Variants in POU6F2 observed in about 807,000 individuals in gnomAD.
POU6F2 encodes the protein POU class 6 homeobox 2.
In POU6F2, 31 loss-of-function variants were observed where a neutral mutation model predicts 71.3. That is an observed-to-expected ratio of 0.43 (90% confidence interval 0.33 to 0.59). POU6F2 has a LOEUF of 0.59. POU6F2 is among the 20% of genes least tolerant of loss of function. POU6F2 has a pLI of 0.04. For synonymous variants in POU6F2, 347 were observed against 355.7 expected, an observed-to-expected ratio of 0.98 and a Z score of 0.27; for missense variants, 783 against 856.8, an observed-to-expected ratio of 0.91 and a Z score of 1.07.
chr7:39,273,617 A>C (rs1784378480), intron 4 of POU6F2, among the ~76,000 whole-genome samples: 1 of 152,144 alleles, frequency 6.6e-6, no homozygotes, highest in African/African-American at 2.4e-5. Context: ...TTGGATCTTG[A>C]AGCACAAAGA....
intron 5 of POU6F2, among the ~76,000 whole-genome samples, chr7:39,378,231 G>A (rs757017056): frequency 1.3e-5 from 2 of 152,122 alleles, no homozygotes; most frequent in African/African-American, 2.4e-5. Context: ...AGTAGTTTAC[G>A]GGTGCAGTCA....
intron 2 of POU6F2, among the ~76,000 whole-genome samples, chr7:39,159,321 C>G (rs938740398): frequency 6.6e-6 from 1 of 151,982 alleles, no homozygotes; most frequent in Non-Finnish European, 1.5e-5. Flanking sequence ...GATATATAAC[C>G]GCTTTTTCTT....
chr7:39,034,668 A>C (rs1790019646), intron 1 of POU6F2, among the ~76,000 whole-genome samples: 2 of 152,144 alleles, frequency 1.3e-5, no homozygotes, highest in African/African-American at 4.8e-5. Context: ...CTGGGTGTGA[A>C]TCTTGAGCTT....
chr7:39,002,260 A>G (rs1478905383), intron 1 of POU6F2, among the ~76,000 whole-genome samples: 1 of 152,232 alleles, frequency 6.6e-6, no homozygotes, highest in Non-Finnish European at 1.5e-5. Context: ...GCTCTTCCTT[A>G]GGCAAAATCC....
At chr7:39,023,163 T>A (rs542655502) in intron 1 of POU6F2, among the ~76,000 whole-genome samples, 1 of 152,024 alleles carries the variant, frequency 6.6e-6, no homozygotes, top group Non-Finnish European at 1.5e-5. Flanking sequence ...ATTATTCAAG[T>A]TTTTTGCCTA....
intron 1 of POU6F2, among the ~76,000 whole-genome samples, chr7:39,008,247 T>C (rs1311190280): frequency 2.0e-5 from 3 of 151,262 alleles, no homozygotes; most frequent in Non-Finnish European, 3.0e-5. Flanking sequence ...TATCTCATTG[T>C]GGTTTTGATT....
intron 8 of POU6F2, among the ~76,000 whole-genome samples, chr7:39,458,246 G>C (rs1425364209): frequency 6.6e-6 from 1 of 152,160 alleles, no homozygotes; most frequent in Non-Finnish European, 1.5e-5. Context: ...AGCTGAAGGA[G>C]CAGCCAGAAT....
chr7:39,439,446 C>T (rs1348772606), intron 7 of POU6F2, among the ~76,000 whole-genome samples: 1 of 152,136 alleles, frequency 6.6e-6, no homozygotes, highest in Non-Finnish European at 1.5e-5. Flanking sequence ...GCAGTTTCTT[C>T]ATAGTGTCAT....
intron 2 of POU6F2, among the ~76,000 whole-genome samples, chr7:39,199,771 A>G (rs1426892752): frequency 1.3e-5 from 2 of 152,158 alleles, no homozygotes; most frequent in African/African-American, 4.8e-5. Flanking sequence ...TGAGTGAACA[A>G]ATGCCCTCTG....
At position 39,458,336 on chromosome 7, in the gene POU6F2, G is replaced by T. The variant is rs575024910; in HGVS notation, c.1490-2211G>T. Among the ~76,000 whole-genome samples, 6 of 152,142 alleles carry T rather than the reference G, an allele frequency of 3.9e-5. No individual in the cohort carries two copies. The South Asian group carries it at 1.2e-3, about 32-fold the overall frequency. On this transcript the variant is annotated intron_variant, in intron 8 of 9. Transcript: ENST00000518318. ...ATCTTCTAACATTCAGAAGAGTTTG[G>T]GAAATGAAGATTTTCCTTTAGAAAT...
intron 4 of POU6F2, among the ~76,000 whole-genome samples, chr7:39,287,692 AC>A (rs1314431007): frequency 6.6e-6 from 1 of 152,180 alleles, no homozygotes; most frequent in Non-Finnish European, 1.5e-5. Flanking sequence ...CTAAAGTCTT[AC>A]CTGTCCAGGG....
intron 6 of POU6F2, among the ~76,000 whole-genome samples, chr7:39,427,930 G>T (rs559155691): frequency 6.6e-6 from 1 of 152,290 alleles, no homozygotes; most frequent in Admixed American, 6.5e-5. Flanking sequence ...GAACCCATCA[G>T]CAGTGAAAAC....
chr7:39,463,712 C>G (rs1000917870), intron 9 of POU6F2, among the ~76,000 whole-genome samples: 3 of 152,100 alleles, frequency 2.0e-5, no homozygotes, highest in African/African-American at 7.2e-5. Flanking sequence ...ATAACCAAGT[C>G]AATGGGGGTA....
In POU6F2 at chr7:39,460,516, A is replaced by G. The variant is rs1788919617; in HGVS notation, c.1490-31A>G. The G allele has an allele frequency of 6.2e-7, 1 of 1,607,936 alleles. No individual in the cohort carries two copies. The highest frequency in any genetic ancestry group is 8.5e-7 in the Non-Finnish European group (1 of 1,176,776). ...ATATTGCTCGGCTGTGTGTTGACGT[A>G]TTGATCCTATTTTTAAAAACATCTC... On this transcript the variant is annotated intron_variant, in intron 8 of 9. Coordinates refer to ENST00000518318, the MANE Select transcript of POU6F2 (RefSeq NM_001370959.1). This position sits in a 1 kb window ranked among gnomAD's most constrained non-coding sequence, Gnocchi z 4.4.
intron 5 of POU6F2, among the ~76,000 whole-genome samples, chr7:39,366,276 G>C (rs977231959): frequency 6.6e-6 from 1 of 152,144 alleles, no homozygotes; most frequent in East Asian, 1.9e-4. Context: ...TACGGCTGAG[G>C]TAGAGCAAAG....
chr7:39,018,230 T>C (rs1789605284), intron 1 of POU6F2, among the ~76,000 whole-genome samples: 1 of 152,170 alleles, frequency 6.6e-6, no homozygotes, highest in Non-Finnish European at 1.5e-5. Context: ...ATCAGGGCCA[T>C]GTCTCTCTGT....
chr7:39,367,169 A>G (rs1583554119), intron 5 of POU6F2, among the ~76,000 whole-genome samples: 1 of 152,180 alleles, frequency 6.6e-6, no homozygotes, highest in African/African-American at 2.4e-5. Flanking sequence ...TAATTTAACC[A>G]TTACCAGTAA....
rs191627608 is a variant in POU6F2 at position 39,292,605 on chromosome 7, G to A, written c.599-47037G>A. Among the ~76,000 whole-genome samples, 35 of 152,218 alleles carry A rather than the reference G, an allele frequency of 2.3e-4. 1 individual carries two copies. The South Asian group carries it at 3.7e-3, about 16-fold the overall frequency. ...ATTGTTTTTATATATAATTTGATGC[G>A]GTTTGTCTCAAGACACTAAAACTGA... is the stretch of plus-strand genomic sequence containing the variant. On this transcript the variant is annotated intron_variant, in intron 4 of 9. Transcript: ENST00000518318.
At chr7:39,312,558 G>A (rs974638590) in intron 4 of POU6F2, among the ~76,000 whole-genome samples, 1 of 152,218 alleles carries the variant, frequency 6.6e-6, no homozygotes, top group Non-Finnish European at 1.5e-5. Context: ...CTAGCTGCCT[G>A]AAACCGCAAG....
Sources: gnomAD v4.1 joint callset for allele counts (sites outside exome capture counted in the v4.1 genomes callset) on GRCh38, gnomAD v4.1.1 for gene constraint, Gnocchi (gnomAD v3.1) non-coding constraint, MANE v1.5 for transcripts, NCBI Gene and HGNC (gene_info 2026-07-23, HGNC 2026-07-21) for gene names.